SPG7: variants seen among roughly 807,000 people sequenced by gnomAD.
SPG7 encodes SPG7 matrix AAA peptidase subunit, paraplegin, also known as mitochondrial inner membrane m-AAA protease component paraplegin.
SPG7 carries 103 observed loss-of-function variants against 81.9 expected under a neutral mutation model. The ratio of observed to expected loss-of-function variants is 1.26; its 90% CI spans 1.07 to 1.48. The LOEUF (loss-of-function observed/expected upper bound fraction) is 1.48. SPG7 is among the 40% of genes most tolerant of loss of function. The pLI is 0.00. For synonymous variants in SPG7, 534 were observed against 444.2 expected (o/e 1.20, Z -2.54); for missense variants, 1,241 against 1,087.3 (o/e 1.14, Z -1.99).
chr16:89,523,462 T>C (rs1244692463), intron 3 of SPG7: 1 of 341,514 alleles, frequency 2.9e-6, no homozygotes, highest in East Asian at 7.7e-5. Context: ...TAATAACTTT[T>C]GTGTATGTTT....
At chr16:89,530,117 G>T in intron 6 of SPG7, 1 of 268,632 alleles carries the variant, frequency 3.7e-6, no homozygotes, top group Non-Finnish European at 7.2e-6. Flanking sequence ...GGGATTATAG[G>T]CATGAGCCAC....
chr16:89,535,637 G>A (rs562478649), intron 9 of SPG7, among the ~76,000 whole-genome samples: 6 of 152,344 alleles, frequency 3.9e-5, no homozygotes, highest in African/African-American at 1.4e-4. Flanking sequence ...TTCAGATTCT[G>A]TGATGTCTGA....
intron 3 of SPG7, chr16:89,520,380 TTTTGTTTGTTTGTTTG>T (rs113614318): frequency 5.4e-6 from 1 of 185,236 alleles, no homozygotes; most frequent in Non-Finnish European, 1.1e-5. Context: ...CCTAGAGTGC[TTTTGTTTGTTTGTTTG>T]TTTGTTTGTT....
At chr16:89,548,925 C>G in intron 12 of SPG7, 1 of 453,850 alleles carries the variant, frequency 2.2e-6, no homozygotes, top group Non-Finnish European at 4.4e-6. Context: ...CTGCGAGAAC[C>G]GAGTTCCTCA....
At chr16:89,550,895 T>C (rs2058628140) in intron 13 of SPG7, among the ~76,000 whole-genome samples, 2 of 152,304 alleles carry the variant, frequency 1.3e-5, no homozygotes, top group South Asian at 2.1e-4. Flanking sequence ...GGTTACACCA[T>C]GCAATGGGGT....
intron 10 of SPG7, chr16:89,546,450 G>A: frequency 1.8e-6 from 1 of 556,496 alleles, no homozygotes; most frequent in Admixed American, 2.4e-5. Flanking sequence ...GGCCGAGGCA[G>A]GTGGATCACT....
At chr16:89,546,168 C>G (rs2058561116) in intron 10 of SPG7, 5 of 298,180 alleles carry the variant, frequency 1.7e-5, no homozygotes, top group East Asian at 2.0e-4. Flanking sequence ...CTCACTGCAA[C>G]CACCATCTCC....
chr16:89,532,565 C>T lies in SPG7; in HGVS notation c.1253C>T (p.Ser418Phe). ...DEIDAVGKKR[S>F]TTMSGFSNTE... ...ATCGACGCGGTGGGCAAGAAGCGCT[C>T]CACCACCATGTCCGGCTTCTCCAAC... Residue 418 changes from serine to phenylalanine, a missense_variant, in exon 9 of 17, where the codon TCC becomes TTC. Physicochemically the swap from Ser to Phe is radical, Grantham distance 155 (BLOSUM62 -2). Transcript: ENST00000645818. 1 of 1,613,798 alleles carries T rather than the reference C, an allele frequency of 6.2e-7. No individual in the cohort carries two copies. Among genetic ancestry groups the T allele is most frequent in the East Asian group, 2.2e-5 (1 of 44,878 alleles).
rs1281636034 is a variant in SPG7, at chr16:89,514,953, T to C, written c.376+1916T>C. Among the ~76,000 whole-genome samples, 10 of 115,146 alleles carry C rather than the reference T, an allele frequency of 8.7e-5. No homozygotes were observed. In the Admixed American group the frequency reaches 9.1e-4, roughly 10 times the overall value. The allele number at this position is 115,146 out of a possible 152,430, so 75.5% of individuals were successfully genotyped here. ...CCTTGACCTTTTTTTTTTTTTTTTT[T>C]TGAGACGGAGTCTCGCTCTGTCGCC... On this transcript the variant is annotated intron_variant, in intron 3 of 16. Coordinates refer to ENST00000645818, the MANE Select transcript of SPG7 (RefSeq NM_003119.4).
chr16:89,552,023 G>A (rs1234740972), intron 13 of SPG7: 1 of 152,188 alleles, frequency 6.6e-6, no homozygotes, highest in Non-Finnish European at 1.5e-5. Context: ...TATGGTTTTG[G>A]TCATTAATGC....
chr16:89,512,951 G>A lies in SPG7; in HGVS notation c.290G>A (p.Gly97Asp), dbSNP rs1331962779. The A allele has an allele frequency of 1.2e-6, 2 of 1,613,114 alleles. No homozygotes were observed. The highest frequency in any genetic ancestry group is 2.2e-5 in the South Asian group (2 of 91,062). ...ATCCTTTCTCTATTTCTCATAGGTG[G>A]TACTTTCTATTTTAACACCTCAAGG... ...NPVRLWQLLG[G>D]TFYFNTSRLK... Residue 97 changes from glycine (G) to aspartate (D), a missense_variant, in exon 3 of 17, where the codon GGT becomes GAT. Physicochemically the swap from Gly to Asp is moderately conservative, Grantham distance 94. Transcript: ENST00000645818.
chr16:89,511,302 A>G (rs2058018959), intron 2 of SPG7, among the ~76,000 whole-genome samples: 1 of 152,140 alleles, frequency 6.6e-6, no homozygotes, highest in Non-Finnish European at 1.5e-5. Context: ...CCTGCAAATA[A>G]TTTGCTCTTC....
chr16:89,547,962 A>AC, intron 11 of SPG7, 41 bp from the exon 12 acceptor site: 2 of 1,506,402 alleles, frequency 1.3e-6, no homozygotes, highest in Non-Finnish European at 1.8e-6. Context: ...CCCTGATAGC[A>AC]GAAACCCACC....
intron 9 of SPG7, among the ~76,000 whole-genome samples, chr16:89,534,941 G>A (rs546760538): frequency 6.6e-6 from 1 of 152,282 alleles, no homozygotes; most frequent in Non-Finnish European, 1.5e-5. Flanking sequence ...TTGCTGTGTT[G>A]TCCAGGTTGG....
At position 89,553,913 on chromosome 16, in the gene SPG7, A is replaced by T; in HGVS notation, c.2056A>T (p.Ile686Phe). The change falls in exon 15 of 17, where the codon ATC becomes TTC. Residue 686 changes from isoleucine (I) to phenylalanine (F), a missense_variant. Physicochemically the swap from Ile to Phe is conservative, Grantham distance 21 (BLOSUM62 0). Transcript: ENST00000645818. ...FPEAQEGLMGIGRRPFSQGLQ... is the reference protein window; with the variant it reads ...FPEAQEGLMGFGRRPFSQGLQ... ...TGAGGCGCAGGAGGGCCTCATGGGC[A>T]TCGGGCGGCGCCCCTTCAGCCAAGG... 1 of 1,612,830 alleles carries T rather than the reference A, an allele frequency of 6.2e-7. No individual in the cohort carries two copies. The highest frequency in any genetic ancestry group is 1.1e-5 in the South Asian group (1 of 91,064).
chr16:89,512,471 T>A (rs540645675), intron 2 of SPG7, among the ~76,000 whole-genome samples: 1 of 152,042 alleles, frequency 6.6e-6, no homozygotes, highest in East Asian at 1.9e-4. Flanking sequence ...TGCCAACACG[T>A]CCGGCTAATT....
chr16:89,509,473 T>A lies in SPG7; in HGVS notation c.183+873T>A, dbSNP rs1450476345. On this transcript the variant is annotated intron_variant, in intron 1 of 16. Coordinates refer to ENST00000645818, the MANE Select transcript of SPG7 (RefSeq NM_003119.4). ...ACCATGTTGGCCAGGATGGTCTCCA[T>A]CTCTTGACCTTGTGATCCGCCTGCC... 2.4e-4 allele frequency among the ~76,000 whole-genome samples: 37 copies of A among 152,128 alleles called. 1 individual carries two copies. The highest frequency in any genetic ancestry group is 8.9e-4 in the African/African-American group (37 of 41,422).
chr16:89,518,608 A>T (rs932865852), intron 3 of SPG7: 1 of 152,204 alleles, frequency 6.6e-6, no homozygotes, highest in Non-Finnish European at 1.5e-5. Flanking sequence ...CGGAGTGGAA[A>T]AAAGGCCCCG....
rs1035919838 is a variant in SPG7 at position 89,508,417 on chromosome 16, C to T, written c.-1C>T. On this transcript the variant is annotated 5_prime_UTR_variant, in exon 1 of 17. Transcript: ENST00000645818. Reference sequence around the variant, plus strand: ...CACGCAGGCGCGGCTTTCAGGCCAACATGGCCGTGCTGCTGCTGCTGCTCC... The same window carrying T: ...CACGCAGGCGCGGCTTTCAGGCCAATATGGCCGTGCTGCTGCTGCTGCTCC... The T allele has an allele frequency of 3.4e-6, 5 of 1,487,930 alleles. No individual in the cohort carries two copies. Among genetic ancestry groups the T allele is most frequent in the East Asian group, 2.8e-5 (1 of 35,186 alleles). 92.2% of individuals were successfully genotyped at this position (1,487,930 alleles called of 1,614,324 possible).
Sources: gnomAD v4.1 joint callset for allele counts (sites outside exome capture counted in the v4.1 genomes callset) on GRCh38, gnomAD v4.1.1 for gene constraint, MANE v1.5 for transcripts, NCBI Gene and HGNC (gene_info 2026-07-23, HGNC 2026-07-21) for gene names.